GGA3: variants seen among roughly 807,000 people sequenced by gnomAD.
The protein encoded by GGA3 is golgi associated, gamma adaptin ear containing, ARF binding protein 3.
In GGA3, 57 loss-of-function variants were observed where a neutral mutation model predicts 77.5. That is an observed-to-expected ratio of 0.74 (90% CI 0.59 to 0.92). The LOEUF (loss-of-function observed/expected upper bound fraction) is 0.92, where lower values mean the gene tolerates loss of function less well. Ranked by LOEUF, GGA3 falls within the 40% of genes least tolerant of loss-of-function variation. GGA3 has a pLI of 0.00. For missense variants in GGA3, 970 were observed against 914.9 expected (o/e 1.06, Z -0.78); for synonymous variants, 416 against 383.7 (o/e 1.08, Z -0.98).
intron 1 of GGA3, among the ~76,000 whole-genome samples, chr17:75,249,754 C>CGGGGA (rs1555586898): frequency 3.3e-5 from 5 of 152,144 alleles, no homozygotes; most frequent in African/African-American, 1.2e-4. Flanking sequence ...ACTTTTTGCA[C>CGGGGA]GGGGAAAAGC....
intron 16 of GGA3, 92 bp downstream of exon 16, chr17:75,238,560 A>G (rs1467004388): frequency 9.6e-7 from 1 of 1,040,010 alleles, no homozygotes; most frequent in Admixed American, 2.0e-5. Flanking sequence ...CCTACAGTCA[A>G]AACACTTCCA....
intron 7 of GGA3, 42 bp downstream of exon 7, chr17:75,242,788 TG>T: frequency 1.4e-6 from 2 of 1,473,946 alleles, no homozygotes; most frequent in Non-Finnish European, 1.9e-6. Context: ...TGTGTGGCCA[TG>T]GGCTCCTCCA....
In GGA3 at chr17:75,239,102, AGT is replaced by A; in HGVS notation, c.1781-21_1781-20del. On this transcript the variant is annotated intron_variant, in intron 14 of 16. Coordinates refer to ENST00000537686, the MANE Select transcript of GGA3 (RefSeq NM_138619.4). ...GCACTGCCTGTAAGAACGTGACGTG[AGT>A]GTGGGAGGAGCAGCACCAGAGACAC... The A allele has an allele frequency of 6.2e-7, 1 of 1,608,248 alleles. No homozygotes were observed. Among genetic ancestry groups the A allele is most frequent in the Non-Finnish European group, 8.5e-7 (1 of 1,178,132 alleles).
Position 75,238,921 on chromosome 17 carries a change from A to G in GGA3, c.1943T>C (p.Val648Ala). 2.5e-6 allele frequency: 4 copies of G among 1,613,930 alleles called. No homozygotes were observed. The highest frequency in any genetic ancestry group is 3.4e-6 in the Non-Finnish European group (4 of 1,179,914). Residue 648 changes from valine to alanine, a missense_variant, in exon 15 of 17, where the codon GTG becomes GCG. Physicochemically the swap from Val to Ala is moderately conservative, Grantham distance 64. Coordinates refer to ENST00000537686, the MANE Select transcript of GGA3 (RefSeq NM_138619.4). The part of the protein sequence containing the change: ...PVKSIVLQAA[V>A]PKSMKVKLQP... ...CCAGGGAGACACTGGTACCTTGGGCACTGCAGCCTGCAGCACGATGCTCTT... is the reference window on the plus strand; with the variant it reads ...CCAGGGAGACACTGGTACCTTGGGCGCTGCAGCCTGCAGCACGATGCTCTT...
chr17:75,255,017 C>T (rs2145585865), intron 1 of GGA3, among the ~76,000 whole-genome samples: 1 of 152,350 alleles, frequency 6.6e-6, no homozygotes, highest in Non-Finnish European at 1.5e-5. Flanking sequence ...GACTCCTTCC[C>T]AGATCTTCTC....
intron 1 of GGA3, among the ~76,000 whole-genome samples, chr17:75,259,823 T>TC (rs541731830): frequency 2.0e-5 from 3 of 152,072 alleles, no homozygotes; most frequent in East Asian, 1.9e-4. Context: ...ACCATGTGAC[T>TC]CCCCCCCACC....
At chr17:75,250,587 A>G (rs148342515) in intron 1 of GGA3, among the ~76,000 whole-genome samples, 27 of 151,386 alleles carry the variant, frequency 1.8e-4, no homozygotes, top group African/African-American at 6.6e-4. Flanking sequence ...ACATGGTGAA[A>G]TCCTGTCTCT....
chr17:75,256,355 C>T (rs1182470999), intron 1 of GGA3, among the ~76,000 whole-genome samples: 1 of 152,140 alleles, frequency 6.6e-6, no homozygotes, highest in Non-Finnish European at 1.5e-5. Flanking sequence ...CTCCCCGGCT[C>T]CTTCAGCTGT....
Position 75,238,155 on chromosome 17 carries a change from C to G in GGA3, c.*124G>C. 6.8e-7 allele frequency: 1 copy of G among 1,477,658 alleles called. No individual in the cohort carries two copies. Among genetic ancestry groups the G allele is most frequent in the Non-Finnish European group, 9.0e-7 (1 of 1,116,844 alleles). The allele number at this position is 1,477,658 out of a possible 1,614,324, so 91.5% of individuals were successfully genotyped here. A position where few individuals can be genotyped will look rare whatever the true frequency, so the allele number is the denominator to read the frequency against. On this transcript the variant is annotated 3_prime_UTR_variant, in exon 17 of 17. Transcript: ENST00000537686. ...TGGTTCTCAGCAGAAATGCCCAGGG[C>G]CCCTGTTCCACATCAAAGCTACAAG... is the stretch of plus-strand genomic sequence containing the variant.
At chr17:75,260,585 C>G (rs967240466) in intron 1 of GGA3, among the ~76,000 whole-genome samples, 2 of 152,134 alleles carry the variant, frequency 1.3e-5, no homozygotes, top group African/African-American at 4.8e-5. Context: ...GAGGAAATAG[C>G]TATCACCTCC....
intron 13 of GGA3, 54 bp from the exon 14 acceptor site, chr17:75,239,625 A>G (rs2076458395): frequency 6.8e-7 from 1 of 1,476,990 alleles, no homozygotes; most frequent in Non-Finnish European, 9.3e-7. Flanking sequence ...GAGCTGCAGG[A>G]CTCTCACCCA....
intron 1 of GGA3, among the ~76,000 whole-genome samples, chr17:75,256,779 G>A (rs2077165240): frequency 6.6e-6 from 1 of 151,940 alleles, no homozygotes; most frequent in African/African-American, 2.4e-5. Context: ...CCCCACCCAG[G>A]ACTGGCAAAT....
Position 75,237,940 on chromosome 17 carries a change from A to ACTCCT in GGA3, c.*338_*339insAGGAG. On this transcript the variant is annotated 3_prime_UTR_variant, in exon 17 of 17. Coordinates refer to ENST00000537686, the MANE Select transcript of GGA3 (RefSeq NM_138619.4). ...ACTCCCACCCCCCACCCCCCACCCC[A>ACTCCT]GTGGCTTCAGTGAATGCCAGTAGAA... 1.9e-6 allele frequency: 1 copy of ACTCCT among 523,712 alleles called. No homozygotes were observed. Among genetic ancestry groups the ACTCCT allele is most frequent in the Non-Finnish European group, 2.5e-6 (1 of 401,426 alleles). The allele number at this position is 523,712 out of a possible 1,614,324, so 32.4% of individuals were successfully genotyped here.
In GGA3 at chr17:75,237,687, C is replaced by T. The variant is rs1045494800; in HGVS notation, c.*592G>A. ...ACAACTCATCACTCCGTGGCCATTC[C>T]AGGACGATGCTGTCCACCAGAGGCA... On this transcript the variant is annotated 3_prime_UTR_variant, in exon 17 of 17. Coordinates refer to ENST00000537686, the MANE Select transcript of GGA3 (RefSeq NM_138619.4). 2 of 1,464,026 alleles carry T rather than the reference C, an allele frequency of 1.4e-6. No individual in the cohort carries two copies. The highest frequency in any genetic ancestry group is 1.8e-6 in the Non-Finnish European group (2 of 1,108,914). 90.7% of individuals were successfully genotyped at this position (1,464,026 alleles called of 1,614,324 possible). A position where few individuals can be genotyped will look rare whatever the true frequency, so the allele number is the denominator to read the frequency against.
chr17:75,239,923 CAAG>C lies in GGA3; in HGVS notation c.1446_1448del (p.Leu483del), dbSNP rs748795230. On this transcript the variant is annotated inframe_deletion, in exon 13 of 17. Coordinates refer to ENST00000537686, the MANE Select transcript of GGA3 (RefSeq NM_138619.4). ...AGGCTGGGGCCACTCCAGTAGAAAA[CAAG>C]GAGGAGCCCGCACTGGGGGCAGGAA... 29 of 1,607,352 alleles carry C rather than the reference CAAG, an allele frequency of 1.8e-5. No individual in the cohort carries two copies. Among genetic ancestry groups the C allele is most frequent in the African/African-American group, 2.7e-5 (2 of 74,684 alleles).
At chr17:75,255,935 C>T (rs1028757495) in intron 1 of GGA3, among the ~76,000 whole-genome samples, 4 of 152,184 alleles carry the variant, frequency 2.6e-5, no homozygotes, top group African/African-American at 4.8e-5. Context: ...TGTACTGCTG[C>T]AAGGCTTCAC....
In GGA3 at chr17:75,244,421, G is replaced by A. The variant is rs1252875494; in HGVS notation, c.300+198C>T. On this transcript the variant is annotated intron_variant, in intron 4 of 16. Coordinates refer to ENST00000537686, the MANE Select transcript of GGA3 (RefSeq NM_138619.4). ...CATCACCTGTCAGATTTGGGCTGAG[G>A]GCGCTTCAGAAAAAGCTGCCGGTCC... 6 of 552,896 alleles carry A rather than the reference G, an allele frequency of 1.1e-5. No individual in the cohort carries two copies. In the Admixed American group the frequency reaches 1.8e-4, roughly 17 times the overall value. 34.2% of individuals were successfully genotyped at this position (552,896 alleles called of 1,614,324 possible).
intron 10 of GGA3, 24 bp downstream of exon 10, chr17:75,241,376 G>C (rs1481366832): frequency 6.9e-7 from 1 of 1,449,284 alleles, no homozygotes; most frequent in Admixed American, 1.7e-5. Context: ...GAGGAGCCTA[G>C]AGTTGGGGAC....
intron 3 of GGA3, among the ~76,000 whole-genome samples, chr17:75,245,889 A>C (rs1050407195): frequency 6.6e-6 from 1 of 152,070 alleles, no homozygotes; most frequent in Admixed American, 6.6e-5. Context: ...GAACCAGATG[A>C]TATTTCCTCT....
Sources: allele counts gnomAD v4.1 joint callset (sites outside exome capture counted in the v4.1 genomes callset), GRCh38; gene constraint gnomAD v4.1.1; transcripts MANE v1.5; gene names NCBI Gene and HGNC (gene_info 2026-07-23, HGNC 2026-07-21).